Variants in COL5A1 observed in about 807,000 individuals in gnomAD.
COL5A1 encodes the protein collagen alpha-1(V) chain.
Under a neutral mutation model 263.7 loss-of-function variants are expected in COL5A1, and 16 were observed. The observed-to-expected ratio is 0.06, with a 90% CI of 0.04 to 0.09. COL5A1 has a LOEUF of 0.09. COL5A1 is among the 10% of genes least tolerant of loss of function. The pLI, the probability that COL5A1 is intolerant of heterozygous loss-of-function variation, is 1.00. For missense variants in COL5A1, 2,036 were observed against 2,540.5 expected (o/e 0.80, Z 4.27); for synonymous variants, 1,012 against 1,004.5 (o/e 1.01, Z -0.14).
Position 134,701,936 on chromosome 9 carries a change from T to C in COL5A1, c.654+603T>C, listed in dbSNP as rs977160136. Among the ~76,000 whole-genome samples the C allele has an allele frequency of 4.1e-4, 63 of 152,222 alleles. 1 individual carries two copies. The highest frequency in any genetic ancestry group is 1.0e-4 in the Non-Finnish European group (7 of 68,034). ...TGGAGCCCTTCATAGGTTGGGGTTCTGCGTGAGAGAGCAGGAGAATGCCCC... is the reference window on the plus strand; with the variant it reads ...TGGAGCCCTTCATAGGTTGGGGTTCCGCGTGAGAGAGCAGGAGAATGCCCC... On this transcript the variant is annotated intron_variant, in intron 4 of 65. Coordinates refer to ENST00000371817, the MANE Select transcript of COL5A1 (RefSeq NM_000093.5).
At chr9:134,777,602 G>A (rs1837099783) in intron 27 of COL5A1, among the ~76,000 whole-genome samples, 1 of 152,092 alleles carries the variant, frequency 6.6e-6, no homozygotes, top group Non-Finnish European at 1.5e-5. Flanking sequence ...TGTCTAGTTG[G>A]TCCCATTCCT....
At chr9:134,664,486 T>C (rs577676314) in intron 1 of COL5A1, among the ~76,000 whole-genome samples, 9 of 152,308 alleles carry the variant, frequency 5.9e-5, no homozygotes, top group African/African-American at 1.7e-4. Flanking sequence ...CTCCCACTGA[T>C]CAGTCAGAAA....
At position 134,841,826 on chromosome 9, in the gene COL5A1, G is replaced by T. The variant is rs1232990808; in HGVS notation, c.5371-331G>T. Among the ~76,000 whole-genome samples, 1 of 152,116 alleles carries T rather than the reference G, an allele frequency of 6.6e-6. No homozygotes were observed. The highest frequency in any genetic ancestry group is 2.4e-5 in the African/African-American group (1 of 41,426). ...ATACCTGGGGCATCACAAGGAGTCT[G>T]GACTGGGCACGGTGGGAAGGCTGAT... On this transcript the variant is annotated intron_variant, in intron 65 of 65. Coordinates refer to ENST00000371817, the MANE Select transcript of COL5A1 (RefSeq NM_000093.5). The surrounding 1 kb of genome is among the most constrained non-coding windows in gnomAD (Gnocchi z 4.8).
chr9:134,643,118 C>T (rs535697953), intron 1 of COL5A1, among the ~76,000 whole-genome samples: 1 of 152,292 alleles, frequency 6.6e-6, no homozygotes, highest in African/African-American at 2.4e-5. Context: ...CGCTTCAAGG[C>T]GGGGACTGTC....
intron 62 of COL5A1, 132 bp downstream of exon 62, chr9:134,824,987 G>GA: frequency 7.7e-7 from 1 of 1,298,214 alleles, no homozygotes; most frequent in Non-Finnish European, 1.0e-6. Context: ...CTCCCCATCT[G>GA]TGGGGCCGGG....
Position 134,647,510 on chromosome 9 carries a change from T to C in COL5A1, c.109+5214T>C, listed in dbSNP as rs1023286748. Among the ~76,000 whole-genome samples, 11 of 152,230 alleles carry C rather than the reference T, an allele frequency of 7.2e-5. No individual in the cohort carries two copies. Among genetic ancestry groups the C allele is most frequent in the Admixed American group, 3.9e-4 (6 of 15,282 alleles). On this transcript the variant is annotated intron_variant, in intron 1 of 65. Coordinates refer to ENST00000371817, the MANE Select transcript of COL5A1 (RefSeq NM_000093.5). The surrounding 1 kb of genome is among the most constrained non-coding windows in gnomAD (Gnocchi z 5.0). Reference sequence around the variant, plus strand: ...GTGCACGCATGCGCATCCTTGCACATGTACCTGCGTTCACATGGGTGTCCC... The same window carrying C: ...GTGCACGCATGCGCATCCTTGCACACGTACCTGCGTTCACATGGGTGTCCC...
intron 20 of COL5A1, among the ~76,000 whole-genome samples, chr9:134,764,417 G>A (rs1340231693): frequency 1.7e-5 from 1 of 58,134 alleles, no homozygotes; most frequent in African/African-American, 1.4e-4. Flanking sequence ...GGGCATTGTG[G>A]GGGGGGTCAC....
At chr9:134,693,879 C>T (rs552939739) in intron 2 of COL5A1, among the ~76,000 whole-genome samples, 10 of 152,192 alleles carry the variant, frequency 6.6e-5, no homozygotes, top group Admixed American at 3.3e-4. Flanking sequence ...CACGGTCTCG[C>T]GCCAGCCACT....
At chr9:134,748,583 A>G (rs893508101) in intron 11 of COL5A1, among the ~76,000 whole-genome samples, 2 of 152,370 alleles carry the variant, frequency 1.3e-5, no homozygotes, top group Middle Eastern at 6.8e-3. Context: ...TGGGCGGCAA[A>G]CATGTTTTGG....
Position 134,805,079 on chromosome 9 carries a change from A to G in COL5A1, c.3204+15A>G. The stretch of plus-strand genomic sequence containing the variant: ...CTGGTCCAGTGGTGAGTGAGAGGCC[A>G]GGCGGGGAATGAAATGGGACAGGTG... On this transcript the variant is annotated intron_variant, in intron 40 of 65. Transcript: ENST00000371817. 1 of 1,613,900 alleles carries G rather than the reference A, an allele frequency of 6.2e-7. No individual in the cohort carries two copies. Among genetic ancestry groups the G allele is most frequent in the Non-Finnish European group, 8.5e-7 (1 of 1,179,904 alleles).
intron 35 of COL5A1, 26 bp downstream of exon 35, chr9:134,796,444 G>A: frequency 6.2e-7 from 1 of 1,613,100 alleles, no homozygotes; most frequent in Non-Finnish European, 8.5e-7. Flanking sequence ...CTTCGGGGGT[G>A]TCTCCAAGGG....
In COL5A1 at chr9:134,828,542, A is replaced by C. The variant is rs1467156889; in HGVS notation, c.5068-1434A>C. Among the ~76,000 whole-genome samples, 1,450 of 148,906 alleles carry C rather than the reference A, an allele frequency of 9.7e-3. 25 individuals are homozygous for C. Among genetic ancestry groups the C allele is most frequent in the African/African-American group, 0.034 (1,353 of 39,894 alleles). On this transcript the variant is annotated intron_variant, in intron 63 of 65. Transcript: ENST00000371817. The stretch of plus-strand genomic sequence containing the variant: ...ATACACGATACACATACCACACACC[A>C]CAGAGATACGCACCACACACACAAT...
At chr9:134,756,692 G>A (rs1045809775) in intron 16 of COL5A1, 73 bp from the exon 17 acceptor site, 74 of 1,525,982 alleles carry the variant, frequency 4.8e-5, no homozygotes, top group South Asian at 3.9e-4. Flanking sequence ...TTGGTTTAAC[G>A]GAAAACCATG....
Position 134,752,664 on chromosome 9 carries a change from T to A in COL5A1, c.1719+19T>A, listed in dbSNP as rs1048557481. Reference sequence around the variant, plus strand: ...CCCTGTGGTAAGTCATTGGCAAATCTGAGAGCTGGGCGTGGTGTGGGGATT... The same window carrying A: ...CCCTGTGGTAAGTCATTGGCAAATCAGAGAGCTGGGCGTGGTGTGGGGATT... On this transcript the variant is annotated intron_variant, in intron 14 of 65. Transcript: ENST00000371817. 3 of 1,602,746 alleles carry A rather than the reference T, an allele frequency of 1.9e-6. No individual in the cohort carries two copies. In the African/African-American group the frequency reaches 4.0e-5, roughly 21 times the overall value.
At chr9:134,760,355 C>CACCGCACACTCATA (rs1564439993) in intron 18 of COL5A1, among the ~76,000 whole-genome samples, 1 of 91,120 alleles carries the variant, frequency 1.1e-5, no homozygotes, top group African/African-American at 5.9e-5. Context: ...CCACACACCC[C>CACCGCACACTCATA]CACACATACA....
At chr9:134,776,509 G>GA (rs35707341) in intron 27 of COL5A1, among the ~76,000 whole-genome samples, 1 of 152,226 alleles carries the variant, frequency 6.6e-6, no homozygotes, top group Non-Finnish European at 1.5e-5. Context: ...TTTCATCGGG[G>GA]AAAAAGTTTC....
chr9:134,744,530 C>T (rs1323812500), intron 11 of COL5A1, among the ~76,000 whole-genome samples: 2 of 151,600 alleles, frequency 1.3e-5, no homozygotes, highest in Non-Finnish European at 2.9e-5. Flanking sequence ...CCCATACATG[C>T]ACACTCACAC....
intron 27 of COL5A1, 21 bp from the exon 28 acceptor site, chr9:134,780,081 T>C (rs777466701): frequency 5.6e-6 from 9 of 1,613,418 alleles, no homozygotes; most frequent in Non-Finnish European, 8.5e-7. Context: ...TTCACTCCTT[T>C]TTCTTTTCCC....
intron 1 of COL5A1, among the ~76,000 whole-genome samples, chr9:134,662,098 T>G (rs1832223268): frequency 4.0e-5 from 6 of 149,994 alleles, no homozygotes; most frequent in Admixed American, 4.0e-4. Context: ...GCTCTAAGTA[T>G]GTGCCTTTCT....
Sources: gnomAD v4.1 joint callset for allele counts (sites outside exome capture counted in the v4.1 genomes callset) on GRCh38, gnomAD v4.1.1 for gene constraint, Gnocchi (gnomAD v3.1) non-coding constraint, MANE v1.5 for transcripts, NCBI Gene and HGNC (gene_info 2026-07-23, HGNC 2026-07-21) for gene names.